Variants in MCM5 observed in about 807,000 individuals in gnomAD.
MCM5 encodes minichromosome maintenance complex component 5.
A neutral mutation model predicts 79.9 loss-of-function variants in MCM5; 46 were observed. The ratio of observed to expected loss-of-function variants is 0.58; its 90% CI spans 0.45 to 0.74. The LOEUF is 0.74. Ranked by LOEUF, MCM5 falls within the 30% of genes least tolerant of loss-of-function variation. The probability of loss-of-function intolerance (pLI) is 0.00; values close to 1 mark genes in which losing one functional copy is unlikely to be tolerated. For synonymous variants in MCM5, 404 were observed against 390.5 expected, an observed-to-expected ratio of 1.03 and a Z score of -0.41; for missense variants, 883 against 1,017.0, an observed-to-expected ratio of 0.87 and a Z score of 1.79.
chr22:35,447,760 C>G, the MCM5 span, among the ~76,000 whole-genome samples: 1 of 152,210 alleles, frequency 6.6e-6, no homozygotes, highest in African/African-American at 2.4e-5. Flanking sequence ...AGCCACCACA[C>G]CTGGCCAGCT....
At chr22:35,403,052 A>G (rs944314841) in intron 2 of MCM5, among the ~76,000 whole-genome samples, 155 bp from the exon 3 acceptor site, 1 of 152,124 alleles carries the variant, frequency 6.6e-6, no homozygotes, top group Non-Finnish European at 1.5e-5. Context: ...AAATAATGGA[A>G]TGATCTGGAA....
chr22:35,424,421 C>T lies in MCM5; in HGVS notation c.*166C>T, dbSNP rs992126707. On this transcript the variant is annotated 3_prime_UTR_variant, in exon 17 of 17. Coordinates refer to ENST00000216122, the MANE Select transcript of MCM5 (RefSeq NM_006739.4). Reference sequence around the variant, plus strand: ...GGAAGGAGCTGTAGTGTCCTGCTGCCTCTGGGCGCCCGCCTCTAGCGCGGT... The same window carrying T: ...GGAAGGAGCTGTAGTGTCCTGCTGCTTCTGGGCGCCCGCCTCTAGCGCGGT... The T allele has an allele frequency of 2.1e-5, 12 of 567,394 alleles. No individual in the cohort carries two copies. Among genetic ancestry groups the T allele is most frequent in the Non-Finnish European group, 3.7e-5 (12 of 326,050 alleles). The allele number at this position is 567,394 out of a possible 1,614,324, so 35.1% of individuals were successfully genotyped here. A position where few individuals can be genotyped will look rare whatever the true frequency, so the allele number is the denominator to read the frequency against.
intron 8 of MCM5, among the ~76,000 whole-genome samples, chr22:35,413,171 T>G (rs950073291): frequency 2.6e-5 from 4 of 151,838 alleles, no homozygotes; most frequent in Non-Finnish European, 5.9e-5. Flanking sequence ...GCCTCCCGAG[T>G]AGCTGGGACT....
intron 4 of MCM5, among the ~76,000 whole-genome samples, chr22:35,404,048 T>C (rs1932141654): frequency 6.6e-6 from 1 of 152,186 alleles, no homozygotes; most frequent in African/African-American, 2.4e-5. Context: ...AATTTGAGGT[T>C]ACAGTGAGCT....
intron 6 of MCM5, chr22:35,409,903 G>C (rs1932326570): frequency 6.6e-6 from 1 of 152,246 alleles, no homozygotes; most frequent in Non-Finnish European, 1.5e-5. Context: ...GTGGTGTTTA[G>C]CACAATTCCT....
rs1318929856 is a variant in MCM5 at position 35,424,479 on chromosome 22, A to G, written c.*224A>G. 4.1e-6 allele frequency: 2 copies of G among 483,310 alleles called. No individual in the cohort carries two copies. Among genetic ancestry groups the G allele is most frequent in the Non-Finnish European group, 7.3e-6 (2 of 272,934 alleles). The allele number at this position is 483,310 out of a possible 1,614,324, so 29.9% of individuals were successfully genotyped here. On this transcript the variant is annotated 3_prime_UTR_variant, in exon 17 of 17. Coordinates refer to ENST00000216122, the MANE Select transcript of MCM5 (RefSeq NM_006739.4). ...AGTGTGCTTTTGGCATCCGTTAATAATAAAGCCACGGTGTGTTCAGGTATC... is the reference window on the plus strand; with the variant it reads ...AGTGTGCTTTTGGCATCCGTTAATAGTAAAGCCACGGTGTGTTCAGGTATC...
At chr22:35,404,816 GGA>G (rs1206150353) in intron 4 of MCM5, among the ~76,000 whole-genome samples, 1 of 152,186 alleles carries the variant, frequency 6.6e-6, no homozygotes, top group Non-Finnish European at 1.5e-5. Context: ...GAGACAAGGT[GGA>G]GAGAGATTGT....
At chr22:35,404,941 A>G (rs1416692797) in intron 4 of MCM5, among the ~76,000 whole-genome samples, 1 of 152,184 alleles carries the variant, frequency 6.6e-6, no homozygotes, top group Admixed American at 6.5e-5. Flanking sequence ...GATAATTCAA[A>G]CATTAGAATA....
chr22:35,403,065 A>G (rs895331143), intron 2 of MCM5, 142 bp from the exon 3 acceptor site: 1 of 962,182 alleles, frequency 1.0e-6, no homozygotes, highest in East Asian at 2.5e-5. Flanking sequence ...ATCTGGAATT[A>G]GATGTGTGTT....
chr22:35,414,170 A>G (rs532090597), intron 9 of MCM5, among the ~76,000 whole-genome samples, 184 bp downstream of exon 9: 114 of 152,234 alleles, frequency 7.5e-4, no homozygotes, highest in African/African-American at 2.5e-3. Context: ...AGGTGTATGT[A>G]GGTTTGGGGC....
chr22:35,416,739 C>T lies in MCM5; in HGVS notation c.1515C>T (p.Asp505=). The change falls in exon 12 of 17, where the codon GAC becomes GAT. Residue 505 remains aspartate, a synonymous_variant. Transcript: ENST00000216122. ...WDETKGEDNI[D]FMPTILSRFD... Reference sequence around the variant, plus strand: ...AGACGAAGGGGGAGGACAACATTGACTTCATGCCCACCATCTTGTCGCGCT... The same window carrying T: ...AGACGAAGGGGGAGGACAACATTGATTTCATGCCCACCATCTTGTCGCGCT... 1.9e-6 allele frequency: 3 copies of T among 1,614,166 alleles called. No individual in the cohort carries two copies. Among genetic ancestry groups the T allele is most frequent in the Non-Finnish European group, 2.5e-6 (3 of 1,180,038 alleles).
chr22:35,420,468 G>C (rs1347544706), intron 14 of MCM5, among the ~76,000 whole-genome samples: 1 of 152,236 alleles, frequency 6.6e-6, no homozygotes, highest in African/African-American at 2.4e-5. Flanking sequence ...CCTGTCTCCA[G>C]CACTGACTGG....
At chr22:35,411,756 A>C (rs1042884776) in intron 7 of MCM5, among the ~76,000 whole-genome samples, 16 of 152,180 alleles carry the variant, frequency 1.1e-4, no homozygotes, top group Non-Finnish European at 2.2e-4. Context: ...ACTGACAGGT[A>C]AGTAGCTCTC....
the MCM5 span, among the ~76,000 whole-genome samples, chr22:35,448,775 GCTGT>G: frequency 6.6e-6 from 1 of 152,350 alleles, no homozygotes; most frequent in East Asian, 1.9e-4. Flanking sequence ...CACTCTGAAG[GCTGT>G]CTGTTGAGTG....
chr22:35,409,701 A>G (rs1384473338), intron 6 of MCM5: 1 of 152,218 alleles, frequency 6.6e-6, no homozygotes, highest in Non-Finnish European at 1.5e-5. Flanking sequence ...ATATCCTGAA[A>G]TTGCATGCAG....
At chr22:35,453,819 TAG>T in the MCM5 span, among the ~76,000 whole-genome samples, 596 of 81,476 alleles carry the variant, frequency 7.3e-3, 3 homozygotes, top group Middle Eastern at 0.03. Flanking sequence ...TATATATATA[TAG>T]AGAGAGAGAG....
the MCM5 span, among the ~76,000 whole-genome samples, chr22:35,444,338 A>C: frequency 6.6e-6 from 1 of 151,972 alleles, no homozygotes; most frequent in African/African-American, 2.4e-5. Context: ...GCAGAGAGAG[A>C]GCAGAGGGCG....
At chr22:35,428,401 T>A (rs563503388), downstream of MCM5, among the ~76,000 whole-genome samples, 247 of 151,896 alleles carry the variant, frequency 1.6e-3, no homozygotes, top group African/African-American at 5.7e-3. Context: ...GCTCAATCGA[T>A]CCTCCTGCCT....
chr22:35,436,960 ACT>A, the MCM5 span, among the ~76,000 whole-genome samples: 1 of 120,392 alleles, frequency 8.3e-6, no homozygotes, highest in African/African-American at 2.7e-5. Flanking sequence ...GGGTCCCAAG[ACT>A]CAGCCTCGCG....
Sources: allele counts gnomAD v4.1 joint callset (sites outside exome capture counted in the v4.1 genomes callset), GRCh38; gene constraint gnomAD v4.1.1; transcripts MANE v1.5; gene names NCBI Gene and HGNC (gene_info 2026-07-23, HGNC 2026-07-21).